B3GALT1: variants seen among roughly 807,000 people sequenced by gnomAD.
The protein encoded by B3GALT1 is UDP-Gal:betaGlcNAc beta 1,3-galactosyltransferase, polypeptide 1.
B3GALT1 carries 10 observed loss-of-function variants against 23.2 expected under a neutral mutation model. The ratio of observed to expected loss-of-function variants is 0.43; its 90% CI spans 0.27 to 0.73. The LOEUF (loss-of-function observed/expected upper bound fraction) is 0.73. Among genes scored for constraint, B3GALT1 ranks in the 30% least tolerant of loss-of-function variants. The pLI is 0.21. For missense variants in B3GALT1, 299 were observed against 405.4 expected (o/e 0.74, Z 2.25); for synonymous variants, 156 against 141.5 (o/e 1.10, Z -0.73).
chr2:167,393,661 G>GT (rs1476132700), intron 1 of B3GALT1, among the ~76,000 whole-genome samples: 2 of 147,540 alleles, frequency 1.4e-5, no homozygotes, highest in Admixed American at 6.6e-5. Flanking sequence ...AAGATGATCT[G>GT]TTTTCAATAA....
At chr2:167,410,690 A>G (rs1273332826) in intron 1 of B3GALT1, among the ~76,000 whole-genome samples, 1 of 152,006 alleles carries the variant, frequency 6.6e-6, no homozygotes, top group African/African-American at 2.4e-5. Flanking sequence ...CATGGCACAT[A>G]TATACCTATG....
chr2:167,840,974 A>G (rs1019302011), intron 4 of B3GALT1, among the ~76,000 whole-genome samples: 1 of 142,262 alleles, frequency 7.0e-6, no homozygotes, highest in Non-Finnish European at 1.5e-5. Flanking sequence ...GAATTGAACA[A>G]TGAGAACACA....
At chr2:167,359,030 G>C (rs1678546929) in intron 1 of B3GALT1, among the ~76,000 whole-genome samples, 1 of 152,118 alleles carries the variant, frequency 6.6e-6, no homozygotes, top group South Asian at 2.1e-4. Flanking sequence ...TAGATCTCCT[G>C]ACCTCGTGAT....
intron 1 of B3GALT1, among the ~76,000 whole-genome samples, chr2:167,455,573 G>GTGCGATCTCGGCTCAC (rs1199816872): frequency 5.3e-5 from 8 of 152,092 alleles, no homozygotes; most frequent in Non-Finnish European, 1.2e-4. Flanking sequence ...GAGTGCAGTG[G>GTGCGATCTCGGCTCAC]TGCGATCTCG....
At chr2:167,624,072 A>T (rs1225236133) in intron 2 of B3GALT1, among the ~76,000 whole-genome samples, 1 of 152,060 alleles carries the variant, frequency 6.6e-6, no homozygotes, top group Non-Finnish European at 1.5e-5. Context: ...ACAAGTCAAG[A>T]TTCAATGGGC....
chr2:167,436,349 C>G (rs1344260557), intron 1 of B3GALT1, among the ~76,000 whole-genome samples: 1 of 152,154 alleles, frequency 6.6e-6, no homozygotes, highest in Non-Finnish European at 1.5e-5. Context: ...CCACTCCCCT[C>G]TCTACTACAC....
intron 3 of B3GALT1, among the ~76,000 whole-genome samples, chr2:167,764,266 A>G (rs1478440143): frequency 1.3e-5 from 2 of 152,210 alleles, no homozygotes; most frequent in Non-Finnish European, 2.9e-5. Context: ...CGCCACTGTC[A>G]TATTCAGAAA....
At chr2:167,454,230 T>C (rs972298411) in intron 1 of B3GALT1, among the ~76,000 whole-genome samples, 3 of 138,102 alleles carry the variant, frequency 2.2e-5, no homozygotes, top group African/African-American at 8.2e-5. Context: ...CGCGTGCACG[T>C]GTGTGCATGT....
intron 4 of B3GALT1, among the ~76,000 whole-genome samples, chr2:167,833,676 C>T (rs1689396594): frequency 6.6e-6 from 1 of 152,182 alleles, no homozygotes; most frequent in Admixed American, 6.5e-5. Flanking sequence ...TCTATCTAAA[C>T]ATAGTTACTA....
chr2:167,764,562 G>A (rs1261612197), intron 3 of B3GALT1, among the ~76,000 whole-genome samples: 2 of 152,064 alleles, frequency 1.3e-5, no homozygotes, highest in South Asian at 2.1e-4. Flanking sequence ...TATGCATCTC[G>A]AATACACTTT....
intron 3 of B3GALT1, among the ~76,000 whole-genome samples, chr2:167,684,658 G>C (rs1328990413): frequency 2.0e-5 from 3 of 152,146 alleles, no homozygotes; most frequent in Non-Finnish European, 2.9e-5. Flanking sequence ...GTGATATTTT[G>C]TAACACTAAT....
At chr2:167,536,059 A>G (rs1184709426) in intron 2 of B3GALT1, among the ~76,000 whole-genome samples, 1 of 152,012 alleles carries the variant, frequency 6.6e-6, no homozygotes, top group East Asian at 1.9e-4. Context: ...GAATAGCTCC[A>G]CCATGCCCAG....
intron 3 of B3GALT1, among the ~76,000 whole-genome samples, chr2:167,717,477 A>G (rs1354892437): frequency 8.2e-6 from 1 of 121,840 alleles, no homozygotes; most frequent in Admixed American, 9.1e-5. Flanking sequence ...TCATGTTGTT[A>G]TACATAGTTT....
At chr2:167,585,510 C>T (rs1684571357) in intron 2 of B3GALT1, among the ~76,000 whole-genome samples, 1 of 152,192 alleles carries the variant, frequency 6.6e-6, no homozygotes, top group African/African-American at 2.4e-5. Context: ...GATATAACTA[C>T]ACACCCACTA....
rs572189033 is a variant in B3GALT1, at chr2:167,345,438, G to C, written c.-511+52104G>C. On this transcript the variant is annotated intron_variant, in intron 1 of 4. Coordinates refer to ENST00000392690, the MANE Select transcript of B3GALT1 (RefSeq NM_020981.4). ...GGCATGACAACTTTGGTAAGATCAGGACCCCTACTCAAGATAGGATTTTTG... is the reference window on the plus strand; with the variant it reads ...GGCATGACAACTTTGGTAAGATCAGCACCCCTACTCAAGATAGGATTTTTG... 2.0e-5 allele frequency among the ~76,000 whole-genome samples: 3 copies of C among 152,148 alleles called. No homozygotes were observed. In the South Asian group the frequency reaches 6.2e-4, roughly 32 times the overall value.
intron 3 of B3GALT1, among the ~76,000 whole-genome samples, chr2:167,665,898 C>T (rs564471183): frequency 3.3e-5 from 5 of 151,360 alleles, no homozygotes; most frequent in Admixed American, 2.0e-4. Flanking sequence ...TTTTGTTGAT[C>T]CTTTCAGAAA....
In B3GALT1 at chr2:167,862,503, C is replaced by A. The variant is rs950272592; in HGVS notation, c.-229-6308C>A. On this transcript the variant is annotated intron_variant, in intron 4 of 4. Transcript: ENST00000392690. ...GGGCAGTCTTCCTTACTCAGCCTAC[C>A]GATTCAAATGCTAATCTTTGCCAGA... Among the ~76,000 whole-genome samples, 4 of 152,268 alleles carry A rather than the reference C, an allele frequency of 2.6e-5. No individual in the cohort carries two copies. The East Asian group carries it at 7.7e-4, about 29-fold the overall frequency.
intron 1 of B3GALT1, among the ~76,000 whole-genome samples, chr2:167,448,664 A>C (rs79316918): frequency 6.6e-6 from 1 of 151,940 alleles, no homozygotes; most frequent in African/African-American, 2.4e-5. Context: ...ATTTGCTTTT[A>C]GGTTCTTGCC....
chr2:167,722,092 G>A (rs745440799), intron 3 of B3GALT1, among the ~76,000 whole-genome samples: 1 of 152,182 alleles, frequency 6.6e-6, no homozygotes, highest in Non-Finnish European at 1.5e-5. Context: ...GAGGATAAAG[G>A]AGTCAACTAA....
Sources: allele counts gnomAD v4.1 joint callset (sites outside exome capture counted in the v4.1 genomes callset), GRCh38; gene constraint gnomAD v4.1.1; transcripts MANE v1.5; gene names NCBI Gene and HGNC (gene_info 2026-07-23, HGNC 2026-07-21).